SPNS2: variants seen among roughly 807,000 people sequenced by gnomAD.
SPNS2 encodes SPNS lysolipid transporter 2, sphingosine-1-phosphate, also known as sphingosine-1-phosphate transporter SPNS2.
SPNS2 carries 37 observed loss-of-function variants against 57.6 expected under a neutral mutation model. That is an observed-to-expected ratio of 0.64 (90% CI 0.49 to 0.85). The LOEUF is 0.85. Among genes scored for constraint, SPNS2 ranks in the 40% least tolerant of loss-of-function variants. The pLI, the probability that SPNS2 is intolerant of heterozygous loss-of-function variation, is 0.00. For missense variants in SPNS2, 831 were observed against 779.1 expected, an observed-to-expected ratio of 1.07 and a Z score of -0.79; for synonymous variants, 440 against 346.9, an observed-to-expected ratio of 1.27 and a Z score of -2.98.
intron 2 of SPNS2, among the ~76,000 whole-genome samples, chr17:4,521,856 G>T (rs116208320): frequency 2.6e-5 from 4 of 152,186 alleles, no homozygotes; most frequent in African/African-American, 9.7e-5. Context: ...TCAGTGACAC[G>T]ACGTGGGTAG....
intron 3 of SPNS2, among the ~76,000 whole-genome samples, chr17:4,525,866 C>A (rs936818942): frequency 6.6e-6 from 1 of 152,198 alleles, no homozygotes; most frequent in Admixed American, 6.5e-5. Flanking sequence ...AGTGCTCAGC[C>A]AGTCATTGTT....
intron 9 of SPNS2, among the ~76,000 whole-genome samples, chr17:4,534,704 G>A (rs756124098): frequency 4.6e-5 from 7 of 152,116 alleles, no homozygotes; most frequent in African/African-American, 9.7e-5. Context: ...GTGTCCTCCC[G>A]AGTCCATGGG....
intron 1 of SPNS2, among the ~76,000 whole-genome samples, chr17:4,509,029 A>G (rs1167782343): frequency 6.6e-6 from 1 of 152,194 alleles, no homozygotes; most frequent in Non-Finnish European, 1.5e-5. Flanking sequence ...GCTGGACGAT[A>G]AAGCAGATGG....
chr17:4,507,015 A>G (rs181313748), intron 1 of SPNS2, among the ~76,000 whole-genome samples: 67 of 152,246 alleles, frequency 4.4e-4, no homozygotes, highest in African/African-American at 1.5e-3. Context: ...AGTAGGAGTG[A>G]GTGTGCCTGA....
In SPNS2 at chr17:4,499,276, AC is replaced by A; in HGVS notation, c.234del (p.Gly79AlafsTer91). The part of the protein sequence containing the change: ...APTGPPGTPG[T>X]PGCAATAKGP... ...GACCGGACCCCCCGGCACCCCCGGC[AC>A]CCCCGGCTGCGCAGCTACTGCAAAG... is the stretch of plus-strand genomic sequence containing the variant. On this transcript the variant is annotated frameshift_variant, in exon 1 of 13. Transcript: ENST00000329078. LOFTEE classifies it high-confidence loss of function. The surrounding 1 kb of genome is among the most constrained non-coding windows in gnomAD (Gnocchi z 5.2). 2.0e-6 allele frequency: 3 copies of A among 1,486,288 alleles called. No homozygotes were observed. Among genetic ancestry groups the A allele is most frequent in the East Asian group, 2.9e-5 (1 of 34,928 alleles). 92.1% of individuals were successfully genotyped at this position (1,486,288 alleles called of 1,614,324 possible).
intron 3 of SPNS2, among the ~76,000 whole-genome samples, chr17:4,529,449 G>C (rs866543463): frequency 1.3e-5 from 2 of 152,068 alleles, no homozygotes; most frequent in East Asian, 2.0e-4. Context: ...CCAGCACTTT[G>C]GGAGGCTGAG....
chr17:4,525,863 A>T (rs1409854091), intron 3 of SPNS2, among the ~76,000 whole-genome samples: 1 of 152,218 alleles, frequency 6.6e-6, no homozygotes, highest in Non-Finnish European at 1.5e-5. Context: ...GCGAGTGCTC[A>T]GCCAGTCATT....
chr17:4,515,206 A>G (rs1354102396), intron 2 of SPNS2, among the ~76,000 whole-genome samples: 1 of 152,036 alleles, frequency 6.6e-6, no homozygotes, highest in Non-Finnish European at 1.5e-5. Flanking sequence ...GTCCCTCCTC[A>G]TCCCGGTGGC....
chr17:4,522,169 A>G (rs1337537185), intron 2 of SPNS2, among the ~76,000 whole-genome samples: 1 of 152,234 alleles, frequency 6.6e-6, no homozygotes, highest in Non-Finnish European at 1.5e-5. Context: ...ACTGCACTCC[A>G]GCCTGGGCGA....
rs1045657865 is a variant in SPNS2, at chr17:4,536,290, A to G, written c.1471A>G (p.Lys491Glu). 6 of 1,612,526 alleles carry G rather than the reference A, an allele frequency of 3.7e-6. No homozygotes were observed. The African/African-American group carries it at 8.0e-5, about 22-fold the overall frequency. ...CTCAGACCTGATCCGCCAGAGCACTAAGGACTCCCCGCTCTGGGAGTTCCT... is the reference window on the plus strand; with the variant it reads ...CTCAGACCTGATCCGCCAGAGCACTGAGGACTCCCCGCTCTGGGAGTTCCT... Reference protein sequence around the residue: ...FISDLIRQSTKDSPLWEFLSL... With the variant: ...FISDLIRQSTEDSPLWEFLSL... Residue 491 changes from lysine (K) to glutamate (E), a missense_variant, in exon 11 of 13, where the codon AAG (lysine) becomes GAG (glutamate). Lys to Glu is a moderately conservative substitution (Grantham distance 56). Transcript: ENST00000329078.
chr17:4,530,813 G>A (rs1905433113), intron 4 of SPNS2, 30 bp downstream of exon 4: 2 of 1,601,638 alleles, frequency 1.2e-6, no homozygotes, highest in Non-Finnish European at 1.7e-6. Context: ...GGGTCTGGGT[G>A]AGGATCTGGG....
At chr17:4,501,699 G>A (rs1011353048) in intron 1 of SPNS2, among the ~76,000 whole-genome samples, 2 of 152,160 alleles carry the variant, frequency 1.3e-5, no homozygotes, top group Non-Finnish European at 2.9e-5. Context: ...TATCTCTATG[G>A]TAACTACTAT....
chr17:4,499,058 T>G lies in SPNS2; in HGVS notation c.11T>G (p.Leu4Arg). The change falls in exon 1 of 13, where the codon CTG (leucine) becomes CGG (arginine). Residue 4 changes from leucine (L) to arginine (R), a missense_variant. Leu to Arg is a moderately radical substitution (Grantham distance 102, BLOSUM62 -2). Transcript: ENST00000329078. This position sits in a 1 kb window ranked among gnomAD's most constrained non-coding sequence, Gnocchi z 5.2. MMC[L>R]ECASAAAGGA... ...CCGATCCGGGCCGGCATGATGTGCC[T>G]GGAATGCGCCTCGGCGGCGGCGGGC... 9.9e-7 allele frequency: 1 copy of G among 1,010,988 alleles called. No homozygotes were observed. Among genetic ancestry groups the G allele is most frequent in the Non-Finnish European group, 1.2e-6 (1 of 849,044 alleles). The allele number at this position is 1,010,988 out of a possible 1,614,324, so 62.6% of individuals were successfully genotyped here.
intron 1 of SPNS2, among the ~76,000 whole-genome samples, chr17:4,502,395 A>G (rs1567586211): frequency 6.9e-6 from 1 of 144,662 alleles, no homozygotes; most frequent in Non-Finnish European, 1.5e-5. Context: ...AAAAAAAAAA[A>G]TTATACACAC....
At position 4,510,613 on chromosome 17, in the gene SPNS2, G is replaced by T. The variant is rs1318495996; in HGVS notation, c.371-2634G>T. On this transcript the variant is annotated intron_variant, in intron 1 of 12. Transcript: ENST00000329078. The surrounding 1 kb of genome is among the most constrained non-coding windows in gnomAD (Gnocchi z 4.4). ...GGCCTCCCTCCCAGAAATGGAACCT[G>T]CAGTTACTGCAGACCCGTGTCCCTC... Among the ~76,000 whole-genome samples the T allele has an allele frequency of 6.6e-6, 1 of 152,180 alleles. No homozygotes were observed. The highest frequency in any genetic ancestry group is 1.5e-5 in the Non-Finnish European group (1 of 68,026).
At chr17:4,516,481 C>G (rs1336395901) in intron 2 of SPNS2, among the ~76,000 whole-genome samples, 1 of 152,200 alleles carries the variant, frequency 6.6e-6, no homozygotes, top group African/African-American at 2.4e-5. Context: ...TTCTTACCCT[C>G]AGGTAGATTC....
rs982743669 is a variant in SPNS2, at chr17:4,512,636, GTGTGTGTGCGTGCGCGCGCACGGGTA to G, written c.371-600_371-575del. Among the ~76,000 whole-genome samples the G allele has an allele frequency of 5.3e-5, 8 of 151,378 alleles. No individual in the cohort carries two copies. The highest frequency in any genetic ancestry group is 4.2e-4 in the South Asian group (2 of 4,812). On this transcript the variant is annotated intron_variant, in intron 1 of 12. Transcript: ENST00000329078. The surrounding 1 kb of genome is among the most constrained non-coding windows in gnomAD (Gnocchi z 5.2). ...CTGAGGGCAGCTGGGGTGACAGTGTGTGTGTGTGCGTGCGCGCGCACGGGTATGTGTGTGCGCGCGTGGGTGTGTAT... is the reference window on the plus strand; with the variant it reads ...CTGAGGGCAGCTGGGGTGACAGTGTGTGTGTGTGCGCGCGTGGGTGTGTAT...
rs1423171694 is a variant in SPNS2, at chr17:4,536,418, TGAGCAGCAGTGAGTGGGGGG to T, written c.1603_1607+15del. On this transcript the variant is annotated splice_donor_variant and splice_donor_5th_base_variant and coding_sequence_variant and intron_variant, in exon 11 of 13. Coordinates refer to ENST00000329078, the MANE Select transcript of SPNS2 (RefSeq NM_001124758.3). LOFTEE classifies it high-confidence loss of function. Reference sequence around the variant, plus strand: ...TCTTCGTCAGCGACCGCGCCAGGGCTGAGCAGCAGTGAGTGGGGGGGAGGGGAGGCCCTGCTGCACCGCCG... The same window carrying T: ...TCTTCGTCAGCGACCGCGCCAGGGCTGAGGGGAGGCCCTGCTGCACCGCCG... 2 of 1,580,808 alleles carry T rather than the reference TGAGCAGCAGTGAGTGGGGGG, an allele frequency of 1.3e-6. No homozygotes were observed. Among genetic ancestry groups the T allele is most frequent in the Admixed American group, 3.4e-5 (2 of 58,046 alleles).
At chr17:4,526,557 C>T (rs138019256) in intron 3 of SPNS2, among the ~76,000 whole-genome samples, 25 of 151,244 alleles carry the variant, frequency 1.7e-4, no homozygotes, top group Middle Eastern at 3.4e-3. Flanking sequence ...GAGCAGAGAT[C>T]GCACCACTGC....
Sources: allele counts gnomAD v4.1 joint callset (sites outside exome capture counted in the v4.1 genomes callset), GRCh38; gene constraint gnomAD v4.1.1; non-coding constraint Gnocchi (gnomAD v3.1); transcripts MANE v1.5; gene names NCBI Gene and HGNC (gene_info 2026-07-23, HGNC 2026-07-21).